MAGI1: variants seen among roughly 807,000 people sequenced by gnomAD.
MAGI1 encodes the protein membrane-associated guanylate kinase, WW and PDZ domain-containing protein 1.
MAGI1 carries 58 observed loss-of-function variants against 139.9 expected under a neutral mutation model. That is an observed-to-expected ratio of 0.41 (90% CI 0.34 to 0.52). The LOEUF (loss-of-function observed/expected upper bound fraction) is 0.52. MAGI1 is among the 20% of genes least tolerant of loss of function. MAGI1 has a pLI of 0.12. For synonymous variants in MAGI1, 812 were observed against 737.9 expected, an observed-to-expected ratio of 1.10 and a Z score of -1.63; for missense variants, 1,874 against 1,901.6, an observed-to-expected ratio of 0.99 and a Z score of 0.27.
intron 2 of MAGI1, among the ~76,000 whole-genome samples, chr3:65,603,041 G>A (rs1289259063): frequency 1.3e-5 from 2 of 152,030 alleles, no homozygotes; most frequent in Admixed American, 1.3e-4. Context: ...ATCTTAAGAA[G>A]CAATAGAAAA....
chr3:65,445,674 T>C (rs1030521083), intron 7 of MAGI1, among the ~76,000 whole-genome samples: 2 of 152,198 alleles, frequency 1.3e-5, no homozygotes, highest in Non-Finnish European at 2.9e-5. Context: ...CTGCAGGTGC[T>C]TTTTAATTCT....
intron 2 of MAGI1, chr3:65,499,058 C>CT: frequency 2.2e-6 from 2 of 892,106 alleles, no homozygotes; most frequent in Non-Finnish European, 1.3e-6. Flanking sequence ...GAAAACCGCT[C>CT]TTAAAAAAAA....
chr3:65,777,371 T>A (rs1317827378), intron 1 of MAGI1, among the ~76,000 whole-genome samples: 1 of 152,106 alleles, frequency 6.6e-6, no homozygotes, highest in Non-Finnish European at 1.5e-5. Context: ...TGGAAAATAC[T>A]ATGTGTCAAG....
chr3:65,407,858 A>G (rs920726096), intron 12 of MAGI1, among the ~76,000 whole-genome samples: 1 of 152,194 alleles, frequency 6.6e-6, no homozygotes, highest in African/African-American at 2.4e-5. Context: ...TGCCTGGACA[A>G]TGGCACATAC....
chr3:65,518,454 A>C (rs1307570581), intron 2 of MAGI1, among the ~76,000 whole-genome samples: 1 of 152,184 alleles, frequency 6.6e-6, no homozygotes, highest in Non-Finnish European at 1.5e-5. Flanking sequence ...ACTGGGGCTT[A>C]ACTTCACGAG....
chr3:65,853,483 T>C (rs2059275736), intron 1 of MAGI1, among the ~76,000 whole-genome samples: 1 of 152,162 alleles, frequency 6.6e-6, no homozygotes, highest in Non-Finnish European at 1.5e-5. Context: ...TGTTTCAATA[T>C]CAAAAGTCTA....
chr3:65,735,356 C>CGTGTGTGTGTGTGTGTGTGTGT lies in MAGI1; in HGVS notation c.314-113290_314-113269dup, dbSNP rs368243061. ...GCCTGTTTTTAAAAGTGTGTCTGCA[C>CGTGTGTGTGTGTGTGTGTGTGT]GTGTGTGTGTGTGTGTGTGTGTACA... On this transcript the variant is annotated intron_variant, in intron 1 of 22. Coordinates refer to ENST00000402939, the MANE Select transcript of MAGI1 (RefSeq NM_001033057.2). Among the ~76,000 whole-genome samples the CGTGTGTGTGTGTGTGTGTGTGT allele has an allele frequency of 1.3e-3, 198 of 148,178 alleles. 2 individuals carry two copies. The highest frequency in any genetic ancestry group is 4.8e-3 in the African/African-American group (189 of 39,630).
At chr3:65,861,373 CA>C (rs1486983188) in intron 1 of MAGI1, among the ~76,000 whole-genome samples, 2 of 152,206 alleles carry the variant, frequency 1.3e-5, no homozygotes, top group Non-Finnish European at 2.9e-5. Context: ...AGGCCAGTGT[CA>C]CTCTTGAGTT....
At chr3:65,854,981 TACA>T (rs1559946187) in intron 1 of MAGI1, among the ~76,000 whole-genome samples, 1 of 152,234 alleles carries the variant, frequency 6.6e-6, no homozygotes, top group African/African-American at 2.4e-5. Flanking sequence ...AATAACTACG[TACA>T]ACATCTGCTG....
At chr3:65,615,302 T>C (rs530654996) in intron 2 of MAGI1, among the ~76,000 whole-genome samples, 1 of 152,270 alleles carries the variant, frequency 6.6e-6, no homozygotes, top group East Asian at 1.9e-4. Flanking sequence ...AAAACCACTG[T>C]CTTCCCCGTG....
At chr3:65,936,475 T>C (rs548866400) in intron 1 of MAGI1, among the ~76,000 whole-genome samples, 9 of 151,318 alleles carry the variant, frequency 5.9e-5, no homozygotes, top group African/African-American at 1.5e-4. Flanking sequence ...CCGTCTCTAC[T>C]AAAAATACAA....
chr3:65,430,993 T>A, intron 10 of MAGI1, 112 bp from the exon 11 acceptor site: 14 of 976,884 alleles, frequency 1.4e-5, no homozygotes, highest in Non-Finnish European at 2.0e-5. Flanking sequence ...CTAGAGCCTT[T>A]GGGCATATAG....
chr3:65,882,626 T>C (rs2060375194), intron 1 of MAGI1, among the ~76,000 whole-genome samples: 1 of 151,812 alleles, frequency 6.6e-6, no homozygotes, highest in African/African-American at 2.4e-5. Context: ...GAAAAGAAAA[T>C]GTGCACGCCA....
At chr3:65,827,657 G>A (rs759239700) in intron 1 of MAGI1, among the ~76,000 whole-genome samples, 4 of 152,096 alleles carry the variant, frequency 2.6e-5, no homozygotes, top group Admixed American at 2.0e-4. Context: ...TGGGTCAGAC[G>A]CACCCTTACT....
At chr3:65,379,643 A>T in intron 16 of MAGI1, 89 bp from the exon 17 acceptor site, 1 of 1,532,836 alleles carries the variant, frequency 6.5e-7, no homozygotes, top group Non-Finnish European at 8.8e-7. Context: ...CTCCTGCTAG[A>T]AATCAAAACG....
At chr3:65,566,435 C>CG (rs1559676875) in intron 2 of MAGI1, among the ~76,000 whole-genome samples, 1 of 144,728 alleles carries the variant, frequency 6.9e-6, no homozygotes, top group African/African-American at 2.5e-5. Context: ...TTTTGCTCAC[C>CG]TTTTTTTTTT....
chr3:65,497,973 G>T (rs1952567990), intron 2 of MAGI1, among the ~76,000 whole-genome samples: 1 of 152,130 alleles, frequency 6.6e-6, no homozygotes, highest in South Asian at 2.1e-4. Context: ...CTAGCAGGAG[G>T]TTTCCCAGCT....
chr3:65,990,468 A>C (rs2066114194), intron 1 of MAGI1, among the ~76,000 whole-genome samples: 1 of 152,208 alleles, frequency 6.6e-6, no homozygotes, highest in Non-Finnish European at 1.5e-5. Context: ...CGAAGCTTCT[A>C]ACACCAGATG....
intron 2 of MAGI1, among the ~76,000 whole-genome samples, chr3:65,605,150 T>A (rs1297446965): frequency 6.6e-6 from 1 of 152,190 alleles, no homozygotes; most frequent in East Asian, 1.9e-4. Flanking sequence ...CCCTTTCAAT[T>A]TGCATGACGA....
Sources: allele counts gnomAD v4.1 joint callset (sites outside exome capture counted in the v4.1 genomes callset), GRCh38; gene constraint gnomAD v4.1.1; transcripts MANE v1.5; gene names NCBI Gene and HGNC (gene_info 2026-07-23, HGNC 2026-07-21).